HYDIN: variants seen among roughly 807,000 people sequenced by gnomAD.
HYDIN encodes the protein HYDIN axonemal central pair apparatus protein.
HYDIN carries 132 observed loss-of-function variants against 403.9 expected under a neutral mutation model. That is an observed-to-expected ratio of 0.33 (90% CI 0.28 to 0.38). The LOEUF (loss-of-function observed/expected upper bound fraction) is 0.38, where lower values mean the gene tolerates loss of function less well. Among genes scored for constraint, HYDIN ranks in the 10% least tolerant of loss-of-function variants. The probability of loss-of-function intolerance (pLI) is 1.00; values close to 1 mark genes in which losing one functional copy is unlikely to be tolerated. For missense variants in HYDIN, 2,827 were observed against 5,009.5 expected (o/e 0.56, Z 13.15); for synonymous variants, 1,202 against 1,891.7 (o/e 0.64, Z 9.46).
At chr16:70,888,050 G>A (rs527921427) in intron 58 of HYDIN, among the ~76,000 whole-genome samples, 1 of 152,220 alleles carries the variant, frequency 6.6e-6, no homozygotes, top group African/African-American at 2.4e-5. Flanking sequence ...TTCTAAATTT[G>A]TTTATTTATC....
chr16:70,913,518 A>C (rs1484714732), intron 47 of HYDIN, among the ~76,000 whole-genome samples: 1 of 134,978 alleles, frequency 7.4e-6, no homozygotes, highest in Non-Finnish European at 1.6e-5. Flanking sequence ...ATTTTCTTAA[A>C]TTTATTGAGG....
chr16:71,133,582 G>A (rs989076591), intron 8 of HYDIN, among the ~76,000 whole-genome samples: 24 of 152,182 alleles, frequency 1.6e-4, no homozygotes, highest in African/African-American at 5.8e-4. Context: ...GCTCCTTTGA[G>A]AATTGTAGGA....
chr16:70,951,615 T>C (rs1170062596), intron 41 of HYDIN, among the ~76,000 whole-genome samples: 1 of 152,154 alleles, frequency 6.6e-6, no homozygotes, highest in Non-Finnish European at 1.5e-5. Context: ...TCTTCTCCTT[T>C]AATTGTGCTG....
At chr16:70,994,739 A>G (rs2502661) in intron 23 of HYDIN, among the ~76,000 whole-genome samples, 12,803 of 137,034 alleles carry the variant, frequency 0.093, 1,123 homozygotes, top group African/African-American at 0.24. Flanking sequence ...GACAGCTGAG[A>G]ATGGAGCTGA....
At chr16:70,849,642 A>T (rs2143575629) in intron 75 of HYDIN, 84 bp downstream of exon 75, 1 of 865,762 alleles carries the variant, frequency 1.2e-6, no homozygotes, top group East Asian at 2.6e-5. Flanking sequence ...CATGGAGAAG[A>T]CAAAGAACAC....
At chr16:70,944,028 C>A in intron 41 of HYDIN, 79 bp from the exon 42 acceptor site, 1 of 1,066,314 alleles carries the variant, frequency 9.4e-7, no homozygotes, top group Non-Finnish European at 1.4e-6. Context: ...GCCACAGGAC[C>A]TTGGGAAGAT....
At chr16:71,197,746 CTTTGTTTGTTTG>C (rs555160696) in intron 1 of HYDIN, among the ~76,000 whole-genome samples, 2 of 151,806 alleles carry the variant, frequency 1.3e-5, no homozygotes, top group African/African-American at 2.4e-5. Flanking sequence ...ATTTGATTCT[CTTTGTTTGTTTG>C]TTTGTTTGTT....
At chr16:71,118,037 G>C (rs1275661350) in intron 9 of HYDIN, among the ~76,000 whole-genome samples, 1 of 152,006 alleles carries the variant, frequency 6.6e-6, no homozygotes, top group African/African-American at 2.4e-5. Flanking sequence ...TTAGAAACGT[G>C]GTGCCTCCAC....
rs1235475793 is a variant in HYDIN, at chr16:71,120,700, C to T, written c.1228-4905G>A. On this transcript the variant is annotated intron_variant, in intron 9 of 85. Transcript: ENST00000393567. ...CCCCTCTACCTCCTTTCCTTCGTTT[C>T]TCCCTTCCTTCCTTCCTTGAAAGAT... Among the ~76,000 whole-genome samples, 10 of 151,010 alleles carry T rather than the reference C, an allele frequency of 6.6e-5. No homozygotes were observed. The South Asian group carries it at 1.9e-3, about 28-fold the overall frequency.
intron 78 of HYDIN, among the ~76,000 whole-genome samples, chr16:70,834,980 A>ATATATACACACATATATGTGTG (rs1555539567): frequency 1.1e-4 from 14 of 128,636 alleles, no homozygotes; most frequent in African/African-American, 5.4e-4. Context: ...ATGTGTGTAT[A>ATATATACACACATATATGTGTG]TATATATATA....
chr16:70,961,811 G>C, intron 38 of HYDIN, 148 bp downstream of exon 38: 1 of 549,206 alleles, frequency 1.8e-6, no homozygotes, highest in Non-Finnish European at 3.2e-6. Context: ...GCAGATCAGA[G>C]CTTCTCCGGA....
intron 35 of HYDIN, among the ~76,000 whole-genome samples, chr16:70,971,582 T>C (rs1279361898): frequency 6.6e-6 from 1 of 152,218 alleles, no homozygotes; most frequent in Non-Finnish European, 1.5e-5. Flanking sequence ...GCTGGACTTG[T>C]AGCTTGGTTT....
intron 71 of HYDIN, among the ~76,000 whole-genome samples, chr16:70,859,371 GC>G (rs1392899174): frequency 6.6e-6 from 1 of 152,130 alleles, no homozygotes; most frequent in Non-Finnish European, 1.5e-5. Context: ...GGCCCCCTTG[GC>G]CCCCGTTGTC....
At chr16:71,178,445 ATATATATG>A (rs895268297) in intron 4 of HYDIN, among the ~76,000 whole-genome samples, 1 of 146,178 alleles carries the variant, frequency 6.8e-6, no homozygotes, top group African/African-American at 2.5e-5. Context: ...ATATATATAT[ATATATATG>A]TATATATATA....
chr16:70,882,391 C>CT (rs2040862614), intron 60 of HYDIN, among the ~76,000 whole-genome samples: 1 of 152,218 alleles, frequency 6.6e-6, no homozygotes. Flanking sequence ...CATGCTTTGT[C>CT]TATTTTAGGC....
intron 49 of HYDIN, among the ~76,000 whole-genome samples, 192 bp downstream of exon 49, chr16:70,908,060 A>G (rs885576): frequency 1.3e-5 from 2 of 152,224 alleles, no homozygotes; most frequent in South Asian, 2.1e-4. Flanking sequence ...ATTGCAGTCT[A>G]GGAATCCTGG....
At chr16:70,994,315 G>GGATGGATGGATGGA (rs1208459315) in intron 23 of HYDIN, among the ~76,000 whole-genome samples, 2 of 143,872 alleles carry the variant, frequency 1.4e-5, no homozygotes, top group African/African-American at 5.2e-5. Context: ...GGATGGATGG[G>GGATGGATGGATGGA]TGTGTGGAAT....
chr16:71,139,868 A>G (rs1468836473), intron 7 of HYDIN, among the ~76,000 whole-genome samples: 7 of 151,488 alleles, frequency 4.6e-5, no homozygotes, highest in Non-Finnish European at 1.0e-4. Flanking sequence ...GGAATTAAAG[A>G]CATCAGTTCA....
At chr16:70,956,361 T>C (rs1345855983) in intron 39 of HYDIN, among the ~76,000 whole-genome samples, 1 of 152,086 alleles carries the variant, frequency 6.6e-6, no homozygotes, top group Non-Finnish European at 1.5e-5. Context: ...CTATGGTCGC[T>C]AAGTACACAT....
Sources: gnomAD v4.1 joint callset for allele counts (sites outside exome capture counted in the v4.1 genomes callset) on GRCh38, gnomAD v4.1.1 for gene constraint, MANE v1.5 for transcripts, NCBI Gene and HGNC (gene_info 2026-07-23, HGNC 2026-07-21) for gene names.